Variants in FBXO11 observed in about 807,000 individuals in gnomAD.
FBXO11 encodes F-box only protein 11.
FBXO11 carries 13 observed loss-of-function variants against 117.0 expected under a neutral mutation model. That is an observed-to-expected ratio of 0.11 (90% CI 0.07 to 0.18). The LOEUF is 0.18. Ranked by LOEUF, FBXO11 falls within the 10% of genes least tolerant of loss-of-function variation. FBXO11 has a pLI of 1.00. For synonymous variants in FBXO11, 490 were observed against 380.5 expected, an observed-to-expected ratio of 1.29 and a Z score of -3.35; for missense variants, 767 against 1,164.4, an observed-to-expected ratio of 0.66 and a Z score of 4.97.
intron 7 of FBXO11, among the ~76,000 whole-genome samples, chr2:47,833,805 C>A (rs1672351133): frequency 6.6e-6 from 1 of 151,608 alleles, no homozygotes; most frequent in Non-Finnish European, 1.5e-5. Context: ...GCTGGGATTA[C>A]AGGTGCACAC....
Position 47,833,148 on chromosome 2 carries a change from C to G in FBXO11, c.935-78G>C, listed in dbSNP as rs113599200. ...GGTATCTTTATGGAGGGGGAACTTA[C>G]TAAAAACATTAGTACTGAGTAGTGG... On this transcript the variant is annotated intron_variant, in intron 7 of 22. Coordinates refer to ENST00000403359, the MANE Select transcript of FBXO11 (RefSeq NM_001190274.2). 530 of 905,658 alleles carry G rather than the reference C, an allele frequency of 5.9e-4. 3 individuals carry two copies. The African/African-American group carries it at 7.8e-3, about 13-fold the overall frequency. The allele number at this position is 905,658 out of a possible 1,614,324, so 56.1% of individuals were successfully genotyped here. A position where few individuals can be genotyped will look rare whatever the true frequency, so the allele number is the denominator to read the frequency against.
intron 5 of FBXO11, among the ~76,000 whole-genome samples, chr2:47,835,349 A>G (rs1672469345): frequency 6.6e-6 from 1 of 152,240 alleles, no homozygotes; most frequent in African/African-American, 2.4e-5. Flanking sequence ...TAATAATTTA[A>G]ATACAAGTTC....
In FBXO11 at chr2:47,819,558, A is replaced by G. The variant is rs115508359; in HGVS notation, c.1798-480T>C. Reference sequence around the variant, plus strand: ...CTCTACCTGAGTTTTAAGCTTTCAAAAATTTTATACTGTTCTTTAAGTGGT... The same window carrying G: ...CTCTACCTGAGTTTTAAGCTTTCAAGAATTTTATACTGTTCTTTAAGTGGT... On this transcript the variant is annotated intron_variant, in intron 14 of 22. Coordinates refer to ENST00000403359, the MANE Select transcript of FBXO11 (RefSeq NM_001190274.2). Among the ~76,000 whole-genome samples, 1,108 of 152,216 alleles carry G rather than the reference A, an allele frequency of 7.3e-3. 18 individuals are homozygous for G. The highest frequency in any genetic ancestry group is 0.027 in the Middle Eastern group (8 of 294).
At position 47,900,667 on chromosome 2, in the gene FBXO11, CGTATATACACACGTATACACACACGTAT is replaced by C. The variant is rs1361379105; in HGVS notation, c.232+4794_232+4821del. ...ATATACACACGTATACACACACGTA[CGTATATACACACGTATACACACACGTAT>C]ACACACACGTGTATATATATACACG... On this transcript the variant is annotated intron_variant, in intron 1 of 22. Coordinates refer to ENST00000403359, the MANE Select transcript of FBXO11 (RefSeq NM_001190274.2). 3.7e-4 allele frequency among the ~76,000 whole-genome samples: 14 copies of C among 37,664 alleles called. 1 individual carries two copies. Among genetic ancestry groups the C allele is most frequent in the African/African-American group, 1.7e-3 (9 of 5,160 alleles). 24.7% of individuals were successfully genotyped at this position (37,664 alleles called of 152,430 possible).
intron 1 of FBXO11, among the ~76,000 whole-genome samples, chr2:47,882,861 C>T (rs1158440796): frequency 5.3e-5 from 8 of 152,114 alleles, no homozygotes; most frequent in African/African-American, 1.9e-4. Context: ...GTTGTCTAGG[C>T]TGGTCTCAAA....
chr2:47,862,836 C>G (rs1227232944), intron 1 of FBXO11, among the ~76,000 whole-genome samples: 2 of 152,064 alleles, frequency 1.3e-5, no homozygotes, highest in Admixed American at 6.5e-5. Flanking sequence ...GGACAGATCA[C>G]CTGAGGTCAG....
chr2:47,872,480 T>C (rs553813636), intron 1 of FBXO11, among the ~76,000 whole-genome samples: 3 of 152,114 alleles, frequency 2.0e-5, no homozygotes, highest in Non-Finnish European at 2.9e-5. Flanking sequence ...TGCGCCACCA[T>C]GCCTGCCTAA....
chr2:47,889,278 T>C (rs756975699), intron 1 of FBXO11, among the ~76,000 whole-genome samples: 2 of 152,212 alleles, frequency 1.3e-5, no homozygotes, highest in African/African-American at 2.4e-5. Flanking sequence ...ATTAAATAAA[T>C]CTGTGATTGG....
chr2:47,858,671 G>A (rs1674504473), intron 1 of FBXO11, among the ~76,000 whole-genome samples: 1 of 116,636 alleles, frequency 8.6e-6, no homozygotes, highest in Non-Finnish European at 1.7e-5. Flanking sequence ...AACAGAGTGA[G>A]ACTCTGCCTC....
At chr2:47,813,758 TAAC>T (rs768565812) in intron 17 of FBXO11, 30 bp downstream of exon 17, 1 of 1,428,752 alleles carries the variant, frequency 7.0e-7, no homozygotes, top group Non-Finnish European at 9.3e-7. Context: ...TAAAGTTTAT[TAAC>T]ACAGAAAAAA....
At chr2:47,896,097 C>T (rs1411717265) in intron 1 of FBXO11, among the ~76,000 whole-genome samples, 1 of 152,186 alleles carries the variant, frequency 6.6e-6, no homozygotes, top group African/African-American at 2.4e-5. Context: ...TTCATACATA[C>T]TCTACTTCTC....
At position 47,858,718 on chromosome 2, in the gene FBXO11, A is replaced by C. The variant is rs369462790; in HGVS notation, c.233-18949T>G. Among the ~76,000 whole-genome samples, 34 of 151,006 alleles carry C rather than the reference A, an allele frequency of 2.3e-4. No individual in the cohort carries two copies. In the South Asian group the frequency reaches 6.5e-3, roughly 29 times the overall value. On this transcript the variant is annotated intron_variant, in intron 1 of 22. Transcript: ENST00000403359. ...AAAAAAAAGAAAAGAAAAATGAAAAACATAATACAAATGCAAAAACCTGAA... is the reference window on the plus strand; with the variant it reads ...AAAAAAAAGAAAAGAAAAATGAAAACCATAATACAAATGCAAAAACCTGAA...
At chr2:47,819,596 A>T (rs2104707974) in intron 14 of FBXO11, among the ~76,000 whole-genome samples, 1 of 152,318 alleles carries the variant, frequency 6.6e-6, no homozygotes, top group East Asian at 1.9e-4. Context: ...TATACTTTTA[A>T]TATCACAGTA....
chr2:47,905,304 T>G, intron 1 of FBXO11, 185 bp downstream of exon 1: 2 of 479,264 alleles, frequency 4.2e-6, no homozygotes, highest in Non-Finnish European at 6.0e-6. Flanking sequence ...AGCCGCGGCT[T>G]TTCCTGCCGG....
chr2:47,874,826 T>C (rs1182165400), intron 1 of FBXO11, among the ~76,000 whole-genome samples: 1 of 151,062 alleles, frequency 6.6e-6, no homozygotes, highest in Non-Finnish European at 1.5e-5. Flanking sequence ...TGTGCCACCA[T>C]GCCTGGCCAC....
At chr2:47,840,068 C>A (rs1015363764) in intron 1 of FBXO11, among the ~76,000 whole-genome samples, 3 of 151,976 alleles carry the variant, frequency 2.0e-5, no homozygotes, top group Admixed American at 6.6e-5. Context: ...CTCAGCCTCC[C>A]GAGTAGCTGG....
chr2:47,883,437 C>T, intron 1 of FBXO11: 2 of 399,232 alleles, frequency 5.0e-6, no homozygotes, highest in Admixed American at 5.6e-5. Context: ...TTCACTCAAC[C>T]TCAGAGCCGC....
chr2:47,872,881 A>G (rs1201585585), intron 1 of FBXO11, among the ~76,000 whole-genome samples: 1 of 152,228 alleles, frequency 6.6e-6, no homozygotes, highest in East Asian at 1.9e-4. Flanking sequence ...TAACATATTT[A>G]ATAGATTACT....
chr2:47,810,629 T>G (rs1481963236), intron 18 of FBXO11: 4 of 462,154 alleles, frequency 8.7e-6, no homozygotes, highest in African/African-American at 8.1e-5. Flanking sequence ...GGTAAGAGCA[T>G]TCTGACCAAT....
Sources: allele counts gnomAD v4.1 joint callset (sites outside exome capture counted in the v4.1 genomes callset), GRCh38; gene constraint gnomAD v4.1.1; transcripts MANE v1.5; gene names NCBI Gene and HGNC (gene_info 2026-07-23, HGNC 2026-07-21).